KIFC3: variants seen among roughly 807,000 people sequenced by gnomAD.
The protein encoded by KIFC3 is kinesin family member C3.
KIFC3 carries 60 observed loss-of-function variants against 101.8 expected under a neutral mutation model. That is an observed-to-expected ratio of 0.59 (90% confidence interval 0.48 to 0.73). KIFC3 has a LOEUF of 0.73. Among genes scored for constraint, KIFC3 ranks in the 30% least tolerant of loss-of-function variants. The pLI is 0.00. For synonymous variants in KIFC3, 476 were observed against 482.7 expected (o/e 0.99, Z 0.18); for missense variants, 966 against 1,137.1 (o/e 0.85, Z 2.16).
intron 1 of KIFC3, 159 bp from the exon 2 acceptor site, chr16:57,798,441 G>A (rs1218834330): frequency 2.4e-5 from 16 of 667,864 alleles, no homozygotes; most frequent in East Asian, 2.3e-4. Flanking sequence ...CCTAGGGCTC[G>A]CAGGATGAAA....
rs2050943167 is a variant in KIFC3 at position 57,769,882 on chromosome 16, T to C, written c.1013A>G (p.Asp338Gly). ...MLEEMQSLEE[D>G]KNRAIEEAFA... ...GGCCTCCTCAATGGCCCGGTTCTTG[T>C]CCTCTTCCAGGGACTGCATCTCCTC... Residue 338 changes from aspartate to glycine, a missense_variant, in exon 8 of 20, where the codon GAC (aspartate) becomes GGC (glycine). By Grantham distance (94) the Asp-to-Gly change is moderately conservative. Coordinates refer to ENST00000445690, the MANE Select transcript of KIFC3 (RefSeq NM_001130100.2). This position sits in a 1 kb window ranked among gnomAD's most constrained non-coding sequence, Gnocchi z 4.3. 1.9e-6 allele frequency: 3 copies of C among 1,613,862 alleles called. No homozygotes were observed. The highest frequency in any genetic ancestry group is 2.5e-6 in the Non-Finnish European group (3 of 1,180,012).
At chr16:57,819,072 T>C (rs1175790383) in intron 1 of KIFC3, among the ~76,000 whole-genome samples, 1 of 148,280 alleles carries the variant, frequency 6.7e-6, no homozygotes, top group African/African-American at 2.4e-5. Flanking sequence ...AGGGACGAGA[T>C]ACAGGCACAG....
At chr16:57,861,904 G>A (rs1161333837) in intron 1 of KIFC3, among the ~76,000 whole-genome samples, 1 of 152,130 alleles carries the variant, frequency 6.6e-6, no homozygotes, top group South Asian at 2.1e-4. Context: ...AGCCAAGATT[G>A]TGCCACTGCA....
intron 3 of KIFC3, among the ~76,000 whole-genome samples, chr16:57,792,075 C>T (rs1568037063): frequency 6.6e-6 from 1 of 152,188 alleles, no homozygotes; most frequent in Non-Finnish European, 1.5e-5. Flanking sequence ...TATGTGTTTC[C>T]CACACTCCAT....
intron 3 of KIFC3, among the ~76,000 whole-genome samples, chr16:57,777,421 T>C (rs577092938): frequency 6.6e-6 from 1 of 152,320 alleles, no homozygotes; most frequent in African/African-American, 2.4e-5. Context: ...CAAAACTCAC[T>C]AAAAAGCTAC....
chr16:57,767,133 C>T (rs2050587386), intron 9 of KIFC3, 148 bp from the exon 10 acceptor site: 2 of 633,100 alleles, frequency 3.2e-6, no homozygotes, highest in Admixed American at 2.7e-5. Context: ...CCAATCACCC[C>T]TCTGGGTAGG....
intron 1 of KIFC3, among the ~76,000 whole-genome samples, chr16:57,833,099 C>T (rs895909844): frequency 5.3e-5 from 8 of 151,806 alleles, no homozygotes; most frequent in East Asian, 1.9e-4. Context: ...CCAGCTACTC[C>T]GGAGTCTAAG....
intron 1 of KIFC3, among the ~76,000 whole-genome samples, chr16:57,855,124 T>TCC (rs1567345033): frequency 8.4e-6 from 1 of 118,708 alleles, no homozygotes; most frequent in East Asian, 2.1e-4. Context: ...TCTTTCTTTT[T>TCC]TTTTTTTTTT....
rs781805890 is a variant in KIFC3, at chr16:57,761,043, C to T, written c.2001G>A (p.Thr667=). 20 of 1,608,054 alleles carry T rather than the reference C, an allele frequency of 1.2e-5. No homozygotes were observed. Among genetic ancestry groups the T allele is most frequent in the South Asian group, 1.2e-4 (11 of 90,920 alleles). Residue 667 remains threonine (T), a splice_region_variant and synonymous_variant, in exon 15 of 20, where the codon ACG becomes ACA. Transcript: ENST00000445690. The stretch of plus-strand genomic sequence containing the variant: ...GGCCAGGCTGCCTGCCACTCTCACC[C>T]GTGGTGCGGAGGCCTGTGCTGCAGT... ...GVDCSTGLRT[T]GKLNLVDLAG...
Position 57,760,330 on chromosome 16 carries a change from C to A in KIFC3, c.2319G>T (p.Gly773=), listed in dbSNP as rs372648679. Residue 773 remains glycine, a synonymous_variant, in exon 17 of 20, where the codon GGG becomes GGT. Transcript: ENST00000445690. Reference sequence around the variant, plus strand: ...AGGACCCAAGCTCTGCCCTGCGTAGCCCAGGCCCCAGCTCCACAGAGCGCA... The same window carrying A: ...AGGACCCAAGCTCTGCCCTGCGTAGACCAGGCCCCAGCTCCACAGAGCGCA... ...ERVRSVELGP[G]LRRAELGSWS... 3.1e-6 allele frequency: 5 copies of A among 1,613,810 alleles called. No individual in the cohort carries two copies. The African/African-American group carries it at 6.7e-5, about 22-fold the overall frequency.
chr16:57,791,938 C>T (rs182279580), intron 3 of KIFC3, among the ~76,000 whole-genome samples: 2 of 152,270 alleles, frequency 1.3e-5, no homozygotes, highest in African/African-American at 2.4e-5. Flanking sequence ...AGAAACACCT[C>T]GAAACACAAG....
At chr16:57,782,437 T>G (rs2052840045) in intron 3 of KIFC3, 1 of 152,194 alleles carries the variant, frequency 6.6e-6, no homozygotes, top group Admixed American at 6.5e-5. Flanking sequence ...ATTACATCCA[T>G]CTCACAGATG....
intron 1 of KIFC3, among the ~76,000 whole-genome samples, chr16:57,849,035 C>G (rs1402691939): frequency 2.0e-5 from 3 of 152,184 alleles, no homozygotes; most frequent in African/African-American, 7.2e-5. Context: ...AAGTACCACA[C>G]TTTTTCTGTG....
chr16:57,809,573 A>G (rs781932956), intron 1 of KIFC3, among the ~76,000 whole-genome samples: 53 of 152,280 alleles, frequency 3.5e-4, no homozygotes, highest in Non-Finnish European at 5.4e-4. Flanking sequence ...CACTTTTATA[A>G]ACAGCATTGC....
intron 1 of KIFC3, among the ~76,000 whole-genome samples, chr16:57,848,597 C>T (rs2055987070): frequency 6.6e-6 from 1 of 152,162 alleles, no homozygotes; most frequent in Admixed American, 6.5e-5. Flanking sequence ...CACTGCCACT[C>T]CAGCCTGATA....
At chr16:57,806,283 C>G (rs1223105052), upstream of KIFC3, among the ~76,000 whole-genome samples, 2 of 152,184 alleles carry the variant, frequency 1.3e-5, no homozygotes, top group Non-Finnish European at 2.9e-5. Context: ...ATGTTGTCCT[C>G]CCTGCCTGGA....
At chr16:57,854,153 G>T (rs769587761) in intron 1 of KIFC3, among the ~76,000 whole-genome samples, 1 of 151,936 alleles carries the variant, frequency 6.6e-6, no homozygotes, top group Admixed American at 6.6e-5. Flanking sequence ...TGTTGCTCAG[G>T]CTGGTCTCAA....
At chr16:57,790,548 G>A (rs58192532) in intron 3 of KIFC3, among the ~76,000 whole-genome samples, 10,836 of 152,198 alleles carry the variant, frequency 0.071, 452 homozygotes, top group South Asian at 0.096. Flanking sequence ...GGCAAGGCCC[G>A]TGTGTGAAGC....
chr16:57,764,060 G>T, intron 12 of KIFC3, 83 bp downstream of exon 12: 1 of 978,334 alleles, frequency 1.0e-6, no homozygotes, highest in Non-Finnish European at 1.6e-6. Flanking sequence ...AACACACACT[G>T]CACAATACCC....
Sources: gnomAD v4.1 joint callset for allele counts (sites outside exome capture counted in the v4.1 genomes callset) on GRCh38, gnomAD v4.1.1 for gene constraint, Gnocchi (gnomAD v3.1) non-coding constraint, MANE v1.5 for transcripts, NCBI Gene and HGNC (gene_info 2026-07-23, HGNC 2026-07-21) for gene names.